Variants in PLCB1 observed in about 807,000 individuals in gnomAD.
PLCB1 encodes phospholipase C beta 1.
Under a neutral mutation model 161.8 loss-of-function variants are expected in PLCB1, and 46 were observed. The ratio of observed to expected loss-of-function variants is 0.28; its 90% CI spans 0.22 to 0.36. The LOEUF is 0.36. Ranked by LOEUF, PLCB1 falls within the 10% of genes least tolerant of loss-of-function variation. PLCB1 has a pLI of 1.00. For missense variants in PLCB1, 1,016 were observed against 1,472.5 expected (o/e 0.69, Z 5.07); for synonymous variants, 517 against 503.7 (o/e 1.03, Z -0.35).
chr20:8,132,359 C>G lies in PLCB1; in HGVS notation c.-293C>G, dbSNP rs2051299289. 1 of 248,600 alleles carries G rather than the reference C, an allele frequency of 4.0e-6. No individual in the cohort carries two copies. The highest frequency in any genetic ancestry group is 5.6e-5 in the Admixed American group (1 of 17,956). 15.4% of individuals were successfully genotyped at this position (248,600 alleles called of 1,614,324 possible). On this transcript the variant is annotated 5_prime_UTR_variant, in exon 1 of 32. Coordinates refer to ENST00000338037, the MANE Select transcript of PLCB1 (RefSeq NM_015192.4). This position sits in a 1 kb window ranked among gnomAD's most constrained non-coding sequence, Gnocchi z 5.2. ...AGCAGAATCCGCCGCGACTGGCAGCCTCGGCTGACCGGCTCGGCTTCTCTT... is the reference window on the plus strand; with the variant it reads ...AGCAGAATCCGCCGCGACTGGCAGCGTCGGCTGACCGGCTCGGCTTCTCTT...
intron 31 of PLCB1, among the ~76,000 whole-genome samples, chr20:8,796,141 C>G (rs1984016228): frequency 6.6e-6 from 1 of 152,176 alleles, no homozygotes; most frequent in South Asian, 2.1e-4. Flanking sequence ...AGCTCATCAT[C>G]AAGAGAGAAT....
rs531720211 is a variant in PLCB1, at chr20:8,585,859, A to G, written c.247-42435A>G. Among the ~76,000 whole-genome samples, 368 of 152,320 alleles carry G rather than the reference A, an allele frequency of 2.4e-3. 2 individuals carry two copies. Among genetic ancestry groups the G allele is most frequent in the African/African-American group, 8.6e-3 (357 of 41,564 alleles). On this transcript the variant is annotated intron_variant, in intron 3 of 31. Coordinates refer to ENST00000338037, the MANE Select transcript of PLCB1 (RefSeq NM_015192.4). ...AAATCTTTTCACCTCTTCTCCAATG[A>G]AGCGCTTTGCTTCTTCTCTATGTAT...
chr20:8,408,929 T>G (rs1439036871), intron 3 of PLCB1, among the ~76,000 whole-genome samples: 1 of 152,236 alleles, frequency 6.6e-6, no homozygotes, highest in African/African-American at 2.4e-5. Context: ...AAGGTCTATT[T>G]GAATAAAGGG....
intron 12 of PLCB1, among the ~76,000 whole-genome samples, chr20:8,709,235 C>T (rs1305380670): frequency 6.6e-6 from 1 of 152,184 alleles, no homozygotes; most frequent in Non-Finnish European, 1.5e-5. Context: ...CACTGGCTTT[C>T]CCCTGTTTGT....
intron 8 of PLCB1, among the ~76,000 whole-genome samples, chr20:8,657,940 A>G (rs1242190972): frequency 6.6e-6 from 1 of 152,148 alleles, no homozygotes. Flanking sequence ...GCTGAAAATG[A>G]CATTGCATAT....
intron 31 of PLCB1, among the ~76,000 whole-genome samples, chr20:8,817,685 A>G (rs1239321630): frequency 7.2e-5 from 11 of 152,210 alleles, no homozygotes; most frequent in Admixed American, 2.0e-4. Context: ...TACTACAGAT[A>G]AAGTTCCAGG....
chr20:8,824,636 T>C (rs775331603), intron 31 of PLCB1, among the ~76,000 whole-genome samples: 3 of 152,172 alleles, frequency 2.0e-5, no homozygotes, highest in Non-Finnish European at 2.9e-5. Flanking sequence ...GCCACCAGAA[T>C]TGGATTTCAG....
At chr20:8,869,426 C>T (rs1568631271) in intron 31 of PLCB1, among the ~76,000 whole-genome samples, 1 of 152,170 alleles carries the variant, frequency 6.6e-6, no homozygotes, top group African/African-American at 2.4e-5. Flanking sequence ...CAGGAACTCA[C>T]ATATTAGCTG....
At chr20:8,534,471 G>T (rs1218116791) in intron 3 of PLCB1, among the ~76,000 whole-genome samples, 1 of 152,146 alleles carries the variant, frequency 6.6e-6, no homozygotes, top group Non-Finnish European at 1.5e-5. Context: ...CCCTAAAATT[G>T]GAGTGGAGTG....
At chr20:8,829,094 T>G (rs1273100363) in intron 31 of PLCB1, among the ~76,000 whole-genome samples, 1 of 152,146 alleles carries the variant, frequency 6.6e-6, no homozygotes, top group Non-Finnish European at 1.5e-5. Flanking sequence ...GGTATATGGG[T>G]GTCCACTGTA....
chr20:8,472,308 TTTTA>T (rs1480718368), intron 3 of PLCB1, among the ~76,000 whole-genome samples: 1 of 152,186 alleles, frequency 6.6e-6, no homozygotes, highest in African/African-American at 2.4e-5. Context: ...GTTCTTTTCA[TTTTA>T]TTTATTTGCT....
intron 3 of PLCB1, among the ~76,000 whole-genome samples, chr20:8,460,316 G>A (rs900218966): frequency 6.6e-6 from 1 of 152,198 alleles, no homozygotes; most frequent in African/African-American, 2.4e-5. Flanking sequence ...GCTTATACCT[G>A]GCTTAGAATA....
chr20:8,465,921 C>T (rs1427155947), intron 3 of PLCB1, among the ~76,000 whole-genome samples: 2 of 150,258 alleles, frequency 1.3e-5, no homozygotes, highest in Admixed American at 6.6e-5. Flanking sequence ...TGTGGCGATT[C>T]CTCAGGGATC....
chr20:8,825,915 G>A (rs559695484), intron 31 of PLCB1, among the ~76,000 whole-genome samples: 2 of 152,160 alleles, frequency 1.3e-5, no homozygotes, highest in South Asian at 2.1e-4. Context: ...ACAGGGAAAG[G>A]GAGGAGTCAA....
intron 3 of PLCB1, among the ~76,000 whole-genome samples, chr20:8,461,258 A>G (rs961694530): frequency 6.6e-6 from 1 of 152,138 alleles, no homozygotes; most frequent in African/African-American, 2.4e-5. Context: ...AGTAAATGAC[A>G]TTCCTATTAA....
At chr20:8,600,395 TC>T (rs1555775352) in intron 3 of PLCB1, among the ~76,000 whole-genome samples, 2 of 133,014 alleles carry the variant, frequency 1.5e-5, no homozygotes, top group Non-Finnish European at 3.2e-5. Flanking sequence ...GGGGGGTGCC[TC>T]CCAGTTAGGC....
At position 8,174,277 on chromosome 20, in the gene PLCB1, A is replaced by G. The variant is rs563078022; in HGVS notation, c.177+23906A>G. On this transcript the variant is annotated intron_variant, in intron 2 of 31. Coordinates refer to ENST00000338037, the MANE Select transcript of PLCB1 (RefSeq NM_015192.4). ...ATGCATTAACTACAGAGAAGTACCA[A>G]TTCAAATGATAGCAGTTTCTTATCC... 3.9e-4 allele frequency among the ~76,000 whole-genome samples: 59 copies of G among 152,340 alleles called. 1 individual carries two copies. The highest frequency in any genetic ancestry group is 1.3e-3 in the African/African-American group (54 of 41,580).
intron 2 of PLCB1, among the ~76,000 whole-genome samples, chr20:8,153,366 T>G (rs1468997136): frequency 2.6e-5 from 4 of 152,184 alleles, no homozygotes; most frequent in African/African-American, 9.7e-5. Flanking sequence ...AGAGTGGTTT[T>G]TCTTGTGTAA....
intron 31 of PLCB1, among the ~76,000 whole-genome samples, chr20:8,862,460 C>G (rs1408679982): frequency 6.6e-6 from 1 of 152,110 alleles, no homozygotes; most frequent in Non-Finnish European, 1.5e-5. Context: ...GTCTATAGAC[C>G]TTAACCTGAG....
Sources: allele counts gnomAD v4.1 joint callset (sites outside exome capture counted in the v4.1 genomes callset), GRCh38; gene constraint gnomAD v4.1.1; non-coding constraint Gnocchi (gnomAD v3.1); transcripts MANE v1.5; gene names NCBI Gene and HGNC (gene_info 2026-07-23, HGNC 2026-07-21).